The following SNTG1 variants were observed in gnomAD, a reference collection of about 807,000 sequenced individuals.
SNTG1 encodes the protein gamma-1-syntrophin.
SNTG1 carries 39 observed loss-of-function variants against 74.7 expected under a neutral mutation model. The observed-to-expected ratio is 0.52, with a 90% confidence interval of 0.40 to 0.68. SNTG1 has a LOEUF of 0.68. SNTG1 is among the 30% of genes least tolerant of loss of function. The pLI is 0.00. For missense variants in SNTG1, 685 were observed against 609.5 expected, an observed-to-expected ratio of 1.12 and a Z score of -1.30; for synonymous variants, 254 against 217.1, an observed-to-expected ratio of 1.17 and a Z score of -1.49.
chr8:50,687,177 A>G (rs1165556495), intron 15 of SNTG1, among the ~76,000 whole-genome samples: 1 of 151,912 alleles, frequency 6.6e-6, no homozygotes, highest in African/African-American at 2.4e-5. Flanking sequence ...AAAACAATTC[A>G]AAACATATGA....
chr8:50,506,541 G>A (rs2094008134), intron 9 of SNTG1, among the ~76,000 whole-genome samples: 1 of 151,914 alleles, frequency 6.6e-6, no homozygotes, highest in South Asian at 2.1e-4. Flanking sequence ...GTGGTTTTCA[G>A]TGTAAAGTCT....
chr8:50,299,027 T>C (rs774520011), intron 2 of SNTG1, among the ~76,000 whole-genome samples: 5 of 152,184 alleles, frequency 3.3e-5, no homozygotes, highest in African/African-American at 4.8e-5. Flanking sequence ...ATATTGAACT[T>C]GAACACTCAA....
chr8:50,482,268 A>G (rs1444781279), intron 8 of SNTG1, among the ~76,000 whole-genome samples: 1 of 152,162 alleles, frequency 6.6e-6, no homozygotes, highest in Non-Finnish European at 1.5e-5. Flanking sequence ...GTGAACTGCT[A>G]TCCTACCCTA....
chr8:50,729,512 G>A (rs2095507799), intron 17 of SNTG1, among the ~76,000 whole-genome samples: 1 of 152,078 alleles, frequency 6.6e-6, no homozygotes, highest in Non-Finnish European at 1.5e-5. Context: ...GGCAAATTAA[G>A]TTAAGCCCAT....
At chr8:50,289,115 T>C (rs2088946062) in intron 2 of SNTG1, among the ~76,000 whole-genome samples, 3 of 152,176 alleles carry the variant, frequency 2.0e-5, no homozygotes, top group Admixed American at 2.0e-4. Flanking sequence ...ACCTTTAGAC[T>C]TAAGATAAAT....
intron 15 of SNTG1, among the ~76,000 whole-genome samples, chr8:50,672,052 G>C (rs1248349687): frequency 2.6e-5 from 3 of 114,394 alleles, no homozygotes; most frequent in Non-Finnish European, 5.2e-5. Flanking sequence ...TGTGGGGTGG[G>C]GGGAGGGGGG....
chr8:50,198,634 A>G (rs1440090628), intron 2 of SNTG1, among the ~76,000 whole-genome samples: 2 of 152,150 alleles, frequency 1.3e-5, no homozygotes, highest in Non-Finnish European at 2.9e-5. Context: ...TAAAGCATCC[A>G]TTTCTTTTTT....
intron 15 of SNTG1, among the ~76,000 whole-genome samples, chr8:50,684,152 T>C (rs1482331351): frequency 6.6e-6 from 1 of 152,232 alleles, no homozygotes; most frequent in East Asian, 1.9e-4. Context: ...TGTGACCCTC[T>C]GATATCCCCA....
chr8:50,018,897 C>T (rs1816580057), intron 1 of SNTG1, among the ~76,000 whole-genome samples: 3 of 151,952 alleles, frequency 2.0e-5, no homozygotes, highest in Admixed American at 1.3e-4. Context: ...TGGTGCAAGC[C>T]ACTGTGAAAA....
At chr8:50,773,056 G>C (rs1046909550) in intron 18 of SNTG1, among the ~76,000 whole-genome samples, 18 of 151,986 alleles carry the variant, frequency 1.2e-4, no homozygotes, top group Non-Finnish European at 2.1e-4. Context: ...TTTTCTGTAA[G>C]TTACCCAGCC....
chr8:50,269,176 GA>G (rs1322498573), intron 2 of SNTG1, among the ~76,000 whole-genome samples: 4 of 152,094 alleles, frequency 2.6e-5, no homozygotes, highest in Non-Finnish European at 5.9e-5. Flanking sequence ...ACTGGGCTAA[GA>G]ATTCTTAGTC....
intron 12 of SNTG1, among the ~76,000 whole-genome samples, chr8:50,589,463 C>T (rs1449450483): frequency 2.0e-5 from 3 of 150,908 alleles, no homozygotes; most frequent in Admixed American, 1.3e-4. Context: ...CTTTCTATCC[C>T]GTGTTTTGCT....
chr8:50,475,672 C>T (rs916362408), intron 8 of SNTG1, among the ~76,000 whole-genome samples: 3 of 152,034 alleles, frequency 2.0e-5, no homozygotes, highest in Non-Finnish European at 1.5e-5. Flanking sequence ...GGTTTGTGCT[C>T]CTAGAGTAAT....
At chr8:50,719,681 T>C (rs926026805) in intron 17 of SNTG1, among the ~76,000 whole-genome samples, 5 of 152,158 alleles carry the variant, frequency 3.3e-5, no homozygotes, top group Admixed American at 1.3e-4. Context: ...CAGTAGTATG[T>C]GGAAATGTGC....
intron 1 of SNTG1, among the ~76,000 whole-genome samples, chr8:49,993,558 C>T (rs1813890316): frequency 6.6e-6 from 1 of 152,088 alleles, no homozygotes; most frequent in South Asian, 2.1e-4. Context: ...CCTCTCCTTC[C>T]CTCCCACACC....
At chr8:50,508,019 T>G (rs993450808) in intron 9 of SNTG1, among the ~76,000 whole-genome samples, 20 of 152,034 alleles carry the variant, frequency 1.3e-4, no homozygotes, top group African/African-American at 4.8e-4. Context: ...CTGCCCCCAT[T>G]AACTCATCAT....
chr8:50,481,108 C>T (rs1003778788), intron 8 of SNTG1, among the ~76,000 whole-genome samples: 5 of 152,272 alleles, frequency 3.3e-5, no homozygotes, highest in East Asian at 1.9e-4. Flanking sequence ...ACAGGCTGGG[C>T]GCGGTGGCTC....
chr8:50,166,772 G>A (rs1012095043), intron 1 of SNTG1, among the ~76,000 whole-genome samples: 38 of 139,902 alleles, frequency 2.7e-4, no homozygotes, highest in African/African-American at 1.0e-3. Context: ...CCATTACTGG[G>A]TATATACCCA....
At chr8:50,308,923 CATAAACTAGAT>C (rs1369726449) in intron 2 of SNTG1, among the ~76,000 whole-genome samples, 2 of 151,704 alleles carry the variant, frequency 1.3e-5, no homozygotes, top group African/African-American at 4.8e-5. Flanking sequence ...TGTTTCTATT[CATAAACTAGAT>C]TTTTGTGTGT....
Sources: gnomAD v4.1 joint callset for allele counts (sites outside exome capture counted in the v4.1 genomes callset) on GRCh38, gnomAD v4.1.1 for gene constraint, MANE v1.5 for transcripts, NCBI Gene and HGNC (gene_info 2026-07-23, HGNC 2026-07-21) for gene names.